The following CNTNAP2 variants were observed in gnomAD, a reference collection of about 807,000 sequenced individuals.
The protein encoded by CNTNAP2 is contactin-associated protein-like 2.
A neutral mutation model predicts 155.2 loss-of-function variants in CNTNAP2; 98 were observed. The observed-to-expected ratio is 0.63, with a 90% CI of 0.54 to 0.75. The LOEUF is 0.75. Among genes scored for constraint, CNTNAP2 ranks in the 30% least tolerant of loss-of-function variants. The pLI is 0.00. For missense variants in CNTNAP2, 1,727 were observed against 1,688.1 expected (o/e 1.02, Z -0.40); for synonymous variants, 651 against 631.2 (o/e 1.03, Z -0.47).
intron 14 of CNTNAP2, among the ~76,000 whole-genome samples, chr7:147,928,314 A>C (rs2116793893): frequency 6.6e-6 from 1 of 152,158 alleles, no homozygotes; most frequent in East Asian, 1.9e-4. Flanking sequence ...AATTTCTCAA[A>C]GTGAGGGATG....
At chr7:146,135,110 G>A (rs903056340) in intron 1 of CNTNAP2, among the ~76,000 whole-genome samples, 1 of 151,894 alleles carries the variant, frequency 6.6e-6, no homozygotes, top group African/African-American at 2.4e-5. Flanking sequence ...ACTGATCTAT[G>A]GACCACACAT....
At chr7:146,939,941 C>A (rs1015266620) in intron 3 of CNTNAP2, among the ~76,000 whole-genome samples, 5 of 152,008 alleles carry the variant, frequency 3.3e-5, no homozygotes, top group Admixed American at 3.3e-4. Flanking sequence ...ATAGTGTCGG[C>A]TTGCCAAAGT....
chr7:147,730,638 A>G (rs1462358726), intron 13 of CNTNAP2, among the ~76,000 whole-genome samples: 3 of 152,030 alleles, frequency 2.0e-5, no homozygotes, highest in African/African-American at 7.2e-5. Flanking sequence ...CACAATACTG[A>G]ACTTAGGCCA....
Position 147,395,730 on chromosome 7 carries a change from G to C in CNTNAP2, c.1620G>C (p.Lys540Asn), listed in dbSNP as rs750957376. 6.9e-5 allele frequency: 111 copies of C among 1,612,450 alleles called. 1 individual carries two copies. In the East Asian group the frequency reaches 2.4e-3, roughly 35 times the overall value. ...LVNLYEVAQR[K>N]PGSFANVSID... ...ATTTATACGAAGTGGCACAAAGGAA[G>C]CCGGGAAGTTTCGCGAATGTCAGCA... The change falls in exon 10 of 24, where the codon AAG becomes AAC. Residue 540 changes from lysine to asparagine, a missense_variant. Physicochemically the swap from Lys to Asn is moderately conservative, Grantham distance 94. Coordinates refer to ENST00000361727, the MANE Select transcript of CNTNAP2 (RefSeq NM_014141.6).
At chr7:148,106,600 A>G (rs1804229435) in intron 15 of CNTNAP2, among the ~76,000 whole-genome samples, 1 of 150,940 alleles carries the variant, frequency 6.6e-6, no homozygotes, top group Admixed American at 6.6e-5. Context: ...GGCTCAAGCA[A>G]TCCACCGGCT....
chr7:147,967,836 G>A (rs990578298), intron 14 of CNTNAP2, among the ~76,000 whole-genome samples: 10 of 152,120 alleles, frequency 6.6e-5, no homozygotes, highest in East Asian at 1.9e-4. Flanking sequence ...CTTTCACCAC[G>A]TTAATGAGAT....
At chr7:146,524,392 G>A (rs976432026) in intron 1 of CNTNAP2, among the ~76,000 whole-genome samples, 1 of 151,500 alleles carries the variant, frequency 6.6e-6, no homozygotes, top group African/African-American at 2.4e-5. Flanking sequence ...TTTTTTCTAT[G>A]TCTGTGCCCT....
chr7:146,838,128 C>T (rs1054606001), intron 2 of CNTNAP2, among the ~76,000 whole-genome samples: 2 of 152,068 alleles, frequency 1.3e-5, no homozygotes, highest in Non-Finnish European at 2.9e-5. Flanking sequence ...TAATATGTTT[C>T]CGTTTCAATG....
At chr7:147,968,789 G>A (rs2116852345) in intron 14 of CNTNAP2, among the ~76,000 whole-genome samples, 1 of 152,090 alleles carries the variant, frequency 6.6e-6, no homozygotes, top group African/African-American at 2.4e-5. Flanking sequence ...ACAGAGATTT[G>A]ATTTCTAGAA....
intron 2 of CNTNAP2, among the ~76,000 whole-genome samples, chr7:146,785,348 A>G (rs1802558058): frequency 6.6e-6 from 1 of 152,162 alleles, no homozygotes; most frequent in Non-Finnish European, 1.5e-5. Context: ...AATTTTTGTG[A>G]ATGATTTCTA....
At chr7:147,703,293 G>A (rs546211818) in intron 13 of CNTNAP2, among the ~76,000 whole-genome samples, 5 of 152,242 alleles carry the variant, frequency 3.3e-5, no homozygotes, top group African/African-American at 9.6e-5. Flanking sequence ...CTCTCTAACA[G>A]TAATGAATTT....
chr7:146,766,264 G>A (rs1032253017), intron 1 of CNTNAP2, among the ~76,000 whole-genome samples: 1 of 152,108 alleles, frequency 6.6e-6, no homozygotes, highest in Non-Finnish European at 1.5e-5. Flanking sequence ...TTAAATTGCT[G>A]ATTATATATG....
chr7:146,751,699 G>T (rs2129182609), intron 1 of CNTNAP2, among the ~76,000 whole-genome samples: 1 of 152,126 alleles, frequency 6.6e-6, no homozygotes, highest in African/African-American at 2.4e-5. Context: ...ATGGTGGTTT[G>T]CTGCACCCAT....
At chr7:146,307,778 T>C (rs1359531109) in intron 1 of CNTNAP2, among the ~76,000 whole-genome samples, 1 of 152,176 alleles carries the variant, frequency 6.6e-6, no homozygotes, top group African/African-American at 2.4e-5. Flanking sequence ...GCTAGCCATA[T>C]GTAGAAAGCT....
At chr7:146,929,947 C>T (rs1201689394) in intron 3 of CNTNAP2, among the ~76,000 whole-genome samples, 1 of 152,080 alleles carries the variant, frequency 6.6e-6, no homozygotes, top group African/African-American at 2.4e-5. Flanking sequence ...TGTGAAAAGA[C>T]CAAATCTACG....
chr7:146,624,508 A>G (rs1230993438), intron 1 of CNTNAP2, among the ~76,000 whole-genome samples: 4 of 151,966 alleles, frequency 2.6e-5, no homozygotes, highest in Non-Finnish European at 4.4e-5. Flanking sequence ...CAGAAAGATT[A>G]TCCTCTCTTC....
intron 10 of CNTNAP2, among the ~76,000 whole-genome samples, chr7:147,425,990 A>G (rs1400405819): frequency 6.6e-6 from 1 of 152,130 alleles, no homozygotes; most frequent in African/African-American, 2.4e-5. Context: ...GATATGTTGT[A>G]TAGTTCTATG....
intron 13 of CNTNAP2, among the ~76,000 whole-genome samples, chr7:147,884,898 G>A (rs1046184827): frequency 8.8e-5 from 12 of 136,040 alleles, no homozygotes; most frequent in African/African-American, 1.6e-4. Context: ...CCAGTTTGAT[G>A]TGTTATAAAC....
At chr7:147,099,129 T>C (rs549762755) in intron 4 of CNTNAP2, among the ~76,000 whole-genome samples, 1 of 152,202 alleles carries the variant, frequency 6.6e-6, no homozygotes, top group South Asian at 2.1e-4. Flanking sequence ...TCTGGCTAAC[T>C]GGAATAATTA....
Sources: gnomAD v4.1 joint callset for allele counts (sites outside exome capture counted in the v4.1 genomes callset) on GRCh38, gnomAD v4.1.1 for gene constraint, MANE v1.5 for transcripts, NCBI Gene and HGNC (gene_info 2026-07-23, HGNC 2026-07-21) for gene names.